Variants in ARNT observed in about 807,000 individuals in gnomAD.
The protein encoded by ARNT is class E basic helix-loop-helix protein 2.
Under a neutral mutation model 105.0 loss-of-function variants are expected in ARNT, and 30 were observed. The ratio of observed to expected loss-of-function variants is 0.29; its 90% confidence interval spans 0.21 to 0.39. The LOEUF (loss-of-function observed/expected upper bound fraction) is 0.39, where lower values mean the gene tolerates loss of function less well. Among genes scored for constraint, ARNT ranks in the 10% least tolerant of loss-of-function variants. The pLI, the probability that ARNT is intolerant of heterozygous loss-of-function variation, is 1.00. For missense variants in ARNT, 748 were observed against 978.7 expected, an observed-to-expected ratio of 0.76 and a Z score of 3.15; for synonymous variants, 304 against 344.0, an observed-to-expected ratio of 0.88 and a Z score of 1.29.
intron 10 of ARNT, among the ~76,000 whole-genome samples, chr1:150,830,751 A>T (rs1659221777): frequency 6.6e-6 from 1 of 152,258 alleles, no homozygotes; most frequent in Admixed American, 6.5e-5. Context: ...CCAATGTTTT[A>T]CACAGAAAGG....
intron 7 of ARNT, 196 bp from the exon 8 acceptor site, chr1:150,834,836 T>A: frequency 1.9e-6 from 1 of 518,256 alleles, no homozygotes; most frequent in South Asian, 2.2e-5. Context: ...AATCTCACTC[T>A]TAAGTTCAAA....
At chr1:150,835,687 T>A (rs1300756658) in intron 7 of ARNT, among the ~76,000 whole-genome samples, 1 of 152,182 alleles carries the variant, frequency 6.6e-6, no homozygotes, top group Non-Finnish European at 1.5e-5. Flanking sequence ...ACTACCAGTT[T>A]TTTTATCTGC....
At chr1:150,847,222 A>G (rs1011192525) in intron 3 of ARNT, among the ~76,000 whole-genome samples, 1 of 152,114 alleles carries the variant, frequency 6.6e-6, no homozygotes, top group Admixed American at 6.5e-5. Flanking sequence ...CACGAAGTCA[A>G]GAGATCCAGA....
chr1:150,863,406 T>C (rs1666005517), intron 1 of ARNT, among the ~76,000 whole-genome samples: 1 of 151,056 alleles, frequency 6.6e-6, no homozygotes, highest in African/African-American at 2.4e-5. Context: ...AATCCTGGTT[T>C]AAATTAAGGC....
intron 1 of ARNT, among the ~76,000 whole-genome samples, chr1:150,867,122 T>G (rs1490310658): frequency 6.6e-6 from 1 of 152,040 alleles, no homozygotes; most frequent in Non-Finnish European, 1.5e-5. Context: ...AAAAATCATT[T>G]GAACCTAGGA....
chr1:150,861,972 G>A (rs138385917), intron 1 of ARNT, among the ~76,000 whole-genome samples: 1 of 152,232 alleles, frequency 6.6e-6, no homozygotes, highest in East Asian at 1.9e-4. Context: ...GCTAAGAATA[G>A]GTTAAGTGTA....
intron 1 of ARNT, among the ~76,000 whole-genome samples, chr1:150,861,947 T>C (rs1665716175): frequency 6.6e-6 from 1 of 152,310 alleles, no homozygotes; most frequent in Admixed American, 6.5e-5. Flanking sequence ...TCCACACACA[T>C]TTAAGGTAGT....
intron 3 of ARNT, among the ~76,000 whole-genome samples, 170 bp from the exon 4 acceptor site, chr1:150,846,477 C>T (rs587694624): frequency 6.6e-6 from 1 of 152,134 alleles, no homozygotes; most frequent in African/African-American, 2.4e-5. Flanking sequence ...AAAAGACCCA[C>T]AACTATTATT....
chr1:150,849,450 A>G (rs988984845), intron 3 of ARNT, among the ~76,000 whole-genome samples: 1 of 152,190 alleles, frequency 6.6e-6, no homozygotes, highest in African/African-American at 2.4e-5. Context: ...CAGCAAGAAT[A>G]TCCCCCTTTT....
chr1:150,811,803 AC>A lies in ARNT; in HGVS notation c.*217del. Reference sequence around the variant, plus strand: ...ACTTCACCCAGCCTCAAATTTTCAGACAGTCCTAAAAGCCTTGGAGATTCAT... The same window carrying A: ...ACTTCACCCAGCCTCAAATTTTCAGAAGTCCTAAAAGCCTTGGAGATTCAT... On this transcript the variant is annotated 3_prime_UTR_variant, in exon 22 of 22. Coordinates refer to ENST00000358595, the MANE Select transcript of ARNT (RefSeq NM_001668.4). 2.8e-6 allele frequency: 1 copy of A among 359,730 alleles called. No homozygotes were observed. Among genetic ancestry groups the A allele is most frequent in the East Asian group, 3.9e-5 (1 of 25,330 alleles). The allele number at this position is 359,730 out of a possible 1,614,324, so 22.3% of individuals were successfully genotyped here.
chr1:150,827,803 T>C (rs1658578412), intron 12 of ARNT, among the ~76,000 whole-genome samples: 1 of 152,224 alleles, frequency 6.6e-6, no homozygotes, highest in African/African-American at 2.4e-5. Flanking sequence ...CAGCAATGTA[T>C]GAGGGTTCCT....
intron 3 of ARNT, among the ~76,000 whole-genome samples, chr1:150,850,363 G>C (rs906699370): frequency 1.3e-5 from 2 of 152,124 alleles, no homozygotes; most frequent in Non-Finnish European, 1.5e-5. Context: ...TGCCATCTCC[G>C]CTCACTGCAA....
At chr1:150,830,140 C>T in intron 10 of ARNT, 160 bp from the exon 11 acceptor site, 2 of 681,372 alleles carry the variant, frequency 2.9e-6, no homozygotes, top group Admixed American at 2.9e-5. Flanking sequence ...GGGCGGATCA[C>T]TTGAGGACCA....
At chr1:150,868,957 T>C (rs970380984) in intron 1 of ARNT, among the ~76,000 whole-genome samples, 1 of 151,548 alleles carries the variant, frequency 6.6e-6, no homozygotes, top group Admixed American at 6.6e-5. Context: ...AGCGAGATCC[T>C]GTCTCTACAA....
At chr1:150,817,583 G>A in intron 15 of ARNT, 150 bp from the exon 16 acceptor site, 2 of 711,380 alleles carry the variant, frequency 2.8e-6, no homozygotes, top group South Asian at 3.8e-5. Flanking sequence ...CGAAGCAGGT[G>A]GATCACCTGA....
chr1:150,818,839 T>C (rs1053256369), intron 14 of ARNT, among the ~76,000 whole-genome samples: 3 of 152,160 alleles, frequency 2.0e-5, no homozygotes, highest in Admixed American at 6.5e-5. Context: ...AAAGCAATTA[T>C]TTCCAGAAAC....
intron 1 of ARNT, among the ~76,000 whole-genome samples, chr1:150,867,643 T>C (rs1467464954): frequency 2.6e-5 from 4 of 152,208 alleles, no homozygotes; most frequent in African/African-American, 9.7e-5. Flanking sequence ...TAAAGGGTGA[T>C]ATGGTTTGGC....
intron 2 of ARNT, among the ~76,000 whole-genome samples, chr1:150,854,837 A>G (rs992324755): frequency 1.4e-5 from 2 of 148,102 alleles, no homozygotes; most frequent in Non-Finnish European, 3.0e-5. Flanking sequence ...AGCCTAGGCA[A>G]CAAGAGCGAA....
chr1:150,828,582 G>A (rs757451897), intron 12 of ARNT, among the ~76,000 whole-genome samples: 4 of 152,000 alleles, frequency 2.6e-5, no homozygotes, highest in Non-Finnish European at 4.4e-5. Context: ...TTTGTTCTTT[G>A]TTTTCAAGAC....
Sources: gnomAD v4.1 joint callset for allele counts (sites outside exome capture counted in the v4.1 genomes callset) on GRCh38, gnomAD v4.1.1 for gene constraint, MANE v1.5 for transcripts, NCBI Gene and HGNC (gene_info 2026-07-23, HGNC 2026-07-21) for gene names.